Variants in CENPO observed in about 807,000 individuals in gnomAD.
CENPO encodes centromere protein O.
A neutral mutation model predicts 36.1 loss-of-function variants in CENPO; 30 were observed. The observed-to-expected ratio is 0.83, with a 90% CI of 0.62 to 1.13. The LOEUF (loss-of-function observed/expected upper bound fraction) is 1.13, where lower values mean the gene tolerates loss of function less well. CENPO is among the 50% of genes most tolerant of loss of function. The probability of loss-of-function intolerance (pLI) is 0.00; values close to 1 mark genes in which losing one functional copy is unlikely to be tolerated. For missense variants in CENPO, 349 were observed against 357.8 expected, an observed-to-expected ratio of 0.98 and a Z score of 0.20; for synonymous variants, 171 against 142.3, an observed-to-expected ratio of 1.20 and a Z score of -1.44.
At chr2:24,802,644 A>G (rs1275181201) in intron 3 of CENPO, among the ~76,000 whole-genome samples, 1 of 152,160 alleles carries the variant, frequency 6.6e-6, no homozygotes, top group Non-Finnish European at 1.5e-5. Context: ...TGATTTGCAT[A>G]TGTTGAACCA....
intron 2 of CENPO, among the ~76,000 whole-genome samples, chr2:24,794,344 G>A (rs1427747323): frequency 6.6e-6 from 1 of 152,206 alleles, no homozygotes; most frequent in African/African-American, 2.4e-5. Context: ...GGTTTTGAGT[G>A]TTGGCTCTGC....
chr2:24,793,829 T>C, intron 1 of CENPO, 23 bp from the exon 2 acceptor site: 1 of 1,560,610 alleles, frequency 6.4e-7, no homozygotes, highest in Non-Finnish European at 8.8e-7. Context: ...GTGATGTGAC[T>C]GTTGCCATTT....
chr2:24,808,839 G>A (rs1025649992), intron 3 of CENPO, among the ~76,000 whole-genome samples: 3 of 150,670 alleles, frequency 2.0e-5, no homozygotes, highest in African/African-American at 7.3e-5. Flanking sequence ...TCAGGTTTTG[G>A]CATCAAGTTT....
At chr2:24,809,540 A>AT (rs1666581009) in intron 3 of CENPO, among the ~76,000 whole-genome samples, 1 of 149,836 alleles carries the variant, frequency 6.7e-6, no homozygotes, top group Admixed American at 6.6e-5. Context: ...TTTTGTTTGT[A>AT]TTTTTTCTTT....
At chr2:24,796,849 G>A (rs73923427) in intron 2 of CENPO, among the ~76,000 whole-genome samples, 1,657 of 152,092 alleles carry the variant, frequency 0.011, 33 homozygotes, top group African/African-American at 0.037. Flanking sequence ...TTTGGTGTGT[G>A]TGTTGGGGGT....
chr2:24,815,792 G>T, intron 5 of CENPO, 36 bp downstream of exon 5: 1 of 1,599,258 alleles, frequency 6.3e-7, no homozygotes, highest in Non-Finnish European at 8.5e-7. Context: ...TCATCCGTGG[G>T]CCCAAGATCA....
At chr2:24,817,235 T>C (rs1666977373) in intron 6 of CENPO, among the ~76,000 whole-genome samples, 1 of 152,210 alleles carries the variant, frequency 6.6e-6, no homozygotes, top group Admixed American at 6.5e-5. Context: ...GAGCAGTCTC[T>C]AAATGGAAAT....
chr2:24,813,254 AG>A (rs1666782967), intron 3 of CENPO, among the ~76,000 whole-genome samples: 3 of 152,190 alleles, frequency 2.0e-5, no homozygotes. Context: ...GAAAAAAGAA[AG>A]AAAGAAGGAA....
At chr2:24,803,923 G>A (rs1666264489) in intron 3 of CENPO, among the ~76,000 whole-genome samples, 1 of 152,164 alleles carries the variant, frequency 6.6e-6, no homozygotes, top group South Asian at 2.1e-4. Context: ...AATGTTGATG[G>A]TGGGGTGTTA....
Position 24,819,769 on chromosome 2 carries a change from G to T in CENPO, c.*451G>T. 1.4e-6 allele frequency: 1 copy of T among 727,914 alleles called. No individual in the cohort carries two copies. Among genetic ancestry groups the T allele is most frequent in the Non-Finnish European group, 2.3e-6 (1 of 443,758 alleles). 45.1% of individuals were successfully genotyped at this position (727,914 alleles called of 1,614,324 possible). A position where few individuals can be genotyped will look rare whatever the true frequency, so the allele number is the denominator to read the frequency against. On this transcript the variant is annotated 3_prime_UTR_variant, in exon 8 of 8. Transcript: ENST00000380834. ...TACAGGCACACACAGGAATAGCAGGGCCACCCTCAGAGCTCACACATCCAC... is the reference window on the plus strand; with the variant it reads ...TACAGGCACACACAGGAATAGCAGGTCCACCCTCAGAGCTCACACATCCAC...
chr2:24,804,442 C>T (rs111370434), intron 3 of CENPO, among the ~76,000 whole-genome samples: 26,348 of 152,142 alleles, frequency 0.17, 2,601 homozygotes, highest in Non-Finnish European at 0.23. Flanking sequence ...TACAATTTGG[C>T]ATGTTTTTGC....
intron 4 of CENPO, 46 bp downstream of exon 4, chr2:24,814,539 G>GCAAAC: frequency 2.3e-6 from 2 of 882,122 alleles, no homozygotes; most frequent in South Asian, 1.3e-5. Flanking sequence ...TCTGCCTCTA[G>GCAAAC]TGAGTTAGTT....
rs1319726652 is a variant in CENPO, at chr2:24,820,700, T to C, written c.*1382T>C. Reference sequence around the variant, plus strand: ...TGTTCTCATGCCGAGTCTGAGCACGTGCCAGCTGTGCCACTGGACATACCT... The same window carrying C: ...TGTTCTCATGCCGAGTCTGAGCACGCGCCAGCTGTGCCACTGGACATACCT... On this transcript the variant is annotated 3_prime_UTR_variant, in exon 8 of 8. Coordinates refer to ENST00000380834, the MANE Select transcript of CENPO (RefSeq NM_001322101.2). 6.2e-7 allele frequency: 1 copy of C among 1,613,566 alleles called. No homozygotes were observed. Among genetic ancestry groups the C allele is most frequent in the South Asian group, 1.1e-5 (1 of 91,024 alleles).
rs763924171 is a variant in CENPO at position 24,819,709 on chromosome 2, C to G, written c.*391C>G. On this transcript the variant is annotated 3_prime_UTR_variant, in exon 8 of 8. Coordinates refer to ENST00000380834, the MANE Select transcript of CENPO (RefSeq NM_001322101.2). ...GAACGAGGGCTCTGGAAGGACTGTT[C>G]AGCCCTATGCCTAAGACCCCTATGC... 42 of 529,336 alleles carry G rather than the reference C, an allele frequency of 7.9e-5. No individual in the cohort carries two copies. Among genetic ancestry groups the G allele is most frequent in the South Asian group, 1.7e-4 (7 of 40,904 alleles). 32.8% of individuals were successfully genotyped at this position (529,336 alleles called of 1,614,324 possible). A position where few individuals can be genotyped will look rare whatever the true frequency, so the allele number is the denominator to read the frequency against.
At chr2:24,799,434 TCGGG>T (rs1433836810) in intron 2 of CENPO, among the ~76,000 whole-genome samples, 2 of 152,202 alleles carry the variant, frequency 1.3e-5, no homozygotes, top group Non-Finnish European at 2.9e-5. Flanking sequence ...ATATCCTCTC[TCGGG>T]CTGTCTTTGA....
intron 3 of CENPO, among the ~76,000 whole-genome samples, chr2:24,805,087 C>T (rs1666332857): frequency 6.6e-6 from 1 of 152,178 alleles, no homozygotes; most frequent in Non-Finnish European, 1.5e-5. Flanking sequence ...CATCTTCCAT[C>T]ACTGATGCCC....
In CENPO at chr2:24,815,653, T is replaced by G. The variant is rs747271055; in HGVS notation, c.491T>G (p.Ile164Arg). 4.6e-5 allele frequency: 74 copies of G among 1,614,028 alleles called. No individual in the cohort carries two copies. The highest frequency in any genetic ancestry group is 2.0e-4 in the Admixed American group (12 of 60,006). Residue 164 changes from isoleucine to arginine, a missense_variant, in exon 5 of 8, where the codon ATA becomes AGA. By Grantham distance (97) the Ile-to-Arg change is moderately conservative. Coordinates refer to ENST00000380834, the MANE Select transcript of CENPO (RefSeq NM_001322101.2). The part of the protein sequence containing the change: ...SVPVFIPLEE[I>R]AAKYLQTNIQ... ...CCAGTCTTCATTCCCCTGGAAGAGA[T>G]AGCTGCAAAATATTTACAGACCAAC...
Position 24,815,747 on chromosome 2 carries a change from C to T in CENPO, c.585C>T (p.Asp195=). ...NAYSGRKYQA[D]RLQSDFAALL... ...ACTCTGGGAGGAAGTACCAGGCAGA[C>T]CGGCTTCAGGTATCTCTCTGGGATG... The change falls in exon 5 of 8, where the codon GAC becomes GAT. Residue 195 remains aspartate, a synonymous_variant. Coordinates refer to ENST00000380834, the MANE Select transcript of CENPO (RefSeq NM_001322101.2). 6.2e-7 allele frequency: 1 copy of T among 1,614,122 alleles called. No homozygotes were observed. Among genetic ancestry groups the T allele is most frequent in the Non-Finnish European group, 8.5e-7 (1 of 1,179,976 alleles).
chr2:24,796,003 G>A (rs1001312684), intron 2 of CENPO, among the ~76,000 whole-genome samples: 2 of 152,168 alleles, frequency 1.3e-5, no homozygotes, highest in African/African-American at 4.8e-5. Flanking sequence ...GTGGACATGA[G>A]CCAAGTGAAT....
Sources: gnomAD v4.1 joint callset for allele counts (sites outside exome capture counted in the v4.1 genomes callset) on GRCh38, gnomAD v4.1.1 for gene constraint, MANE v1.5 for transcripts, NCBI Gene and HGNC (gene_info 2026-07-23, HGNC 2026-07-21) for gene names.